Variants in WASHC3 observed in about 807,000 individuals in gnomAD.
The protein encoded by WASHC3 is WASH complex subunit 3.
Under a neutral mutation model 26.1 loss-of-function variants are expected in WASHC3, and 24 were observed. The observed-to-expected ratio is 0.92, with a 90% CI of 0.66 to 1.29. The LOEUF is 1.29. WASHC3 is among the 50% of genes most tolerant of loss of function. The probability of loss-of-function intolerance (pLI) is 0.00; values close to 1 mark genes in which losing one functional copy is unlikely to be tolerated. For missense variants in WASHC3, 214 were observed against 229.6 expected (o/e 0.93, Z 0.44); for synonymous variants, 77 against 75.7 (o/e 1.02, Z -0.09).
At chr12:102,017,778 T>C (rs1434526847) in intron 6 of WASHC3, 1 of 437,588 alleles carries the variant, frequency 2.3e-6, no homozygotes, top group Admixed American at 2.6e-5. Flanking sequence ...TTATTGTCTG[T>C]CTTCATTTTT....
intron 5 of WASHC3, among the ~76,000 whole-genome samples, chr12:102,036,362 CAAA>C (rs1271595888): frequency 4.2e-5 from 3 of 71,974 alleles, no homozygotes; most frequent in Admixed American, 1.5e-4. Context: ...GACTCCGTCT[CAAA>C]AAAAAAAAAA....
chr12:102,037,457 T>G (rs1056157590), intron 5 of WASHC3, among the ~76,000 whole-genome samples: 1 of 152,126 alleles, frequency 6.6e-6, no homozygotes, highest in Non-Finnish European at 1.5e-5. Flanking sequence ...AGGCTGTACT[T>G]AGAAGGTAAT....
rs1300525377 is a variant in WASHC3 at position 102,013,029 on chromosome 12, A to G, written c.*79T>C. 1 of 654,660 alleles carries G rather than the reference A, an allele frequency of 1.5e-6. No homozygotes were observed. The highest frequency in any genetic ancestry group is 2.9e-5 in the Admixed American group (1 of 34,482). The allele number at this position is 654,660 out of a possible 1,614,324, so 40.6% of individuals were successfully genotyped here. A position where few individuals can be genotyped will look rare whatever the true frequency, so the allele number is the denominator to read the frequency against. ...GTGGCCATTTGATGTTTTTATGACTAAGAGAGTTCAGGCTCAATCTCTTAC... is the reference window on the plus strand; with the variant it reads ...GTGGCCATTTGATGTTTTTATGACTGAGAGAGTTCAGGCTCAATCTCTTAC... On this transcript the variant is annotated 3_prime_UTR_variant, in exon 7 of 7. Coordinates refer to ENST00000240079, the MANE Select transcript of WASHC3 (RefSeq NM_016053.4).
chr12:102,046,085 A>G lies in WASHC3; in HGVS notation c.185T>C (p.Ile62Thr). The G allele has an allele frequency of 2.5e-6, 4 of 1,598,076 alleles. No individual in the cohort carries two copies. The highest frequency in any genetic ancestry group is 3.4e-6 in the Non-Finnish European group (4 of 1,169,750). ...LADLSLRIQQ[I>T]ETTLNILDAK... is the part of the protein sequence containing the mutation. ...ATCTAAAATATTGAGAGTTGTTTCA[A>G]TTTGTTGGATACGAAGTGAAAGGTC... The change falls in exon 3 of 7, where the codon ATT (isoleucine) becomes ACT (threonine). Residue 62 changes from isoleucine (I) to threonine (T), a missense_variant. Transcript: ENST00000240079.
At chr12:102,061,494 C>CT in intron 1 of WASHC3, 148 bp from the exon 2 acceptor site, 2 of 648,280 alleles carry the variant, frequency 3.1e-6, no homozygotes, top group Non-Finnish European at 5.6e-6. Flanking sequence ...GTTTCCTAAG[C>CT]TGTGGGTGGG....
At chr12:102,024,141 T>C (rs1467622942) in intron 6 of WASHC3, among the ~76,000 whole-genome samples, 3 of 152,196 alleles carry the variant, frequency 2.0e-5, no homozygotes, top group Non-Finnish European at 4.4e-5. Context: ...GCTATGGCTA[T>C]ATGAAATAGG....
intron 5 of WASHC3, among the ~76,000 whole-genome samples, chr12:102,032,455 T>A (rs751720707): frequency 5.3e-5 from 8 of 152,192 alleles, no homozygotes; most frequent in Non-Finnish European, 1.2e-4. Context: ...TCCAGTTAAG[T>A]TATAAAAGCA....
intron 5 of WASHC3, among the ~76,000 whole-genome samples, chr12:102,028,402 A>G (rs913462739): frequency 6.6e-6 from 1 of 152,098 alleles, no homozygotes; most frequent in African/African-American, 2.4e-5. Context: ...AGAGAAGAAG[A>G]GCAGAGTTAA....
At chr12:102,050,631 A>G (rs1188298408) in intron 2 of WASHC3, 1 of 450,142 alleles carries the variant, frequency 2.2e-6, no homozygotes. Context: ...TGATACAGCA[A>G]GACCCCGTCT....
At chr12:102,037,167 C>A (rs1029205153) in intron 5 of WASHC3, among the ~76,000 whole-genome samples, 1 of 152,082 alleles carries the variant, frequency 6.6e-6, no homozygotes, top group African/African-American at 2.4e-5. Context: ...AAAAAGGAGT[C>A]CATCACCTAA....
At position 102,028,395 on chromosome 12, in the gene WASHC3, G is replaced by A. The variant is rs193256423; in HGVS notation, c.436-2357C>T. Among the ~76,000 whole-genome samples the A allele has an allele frequency of 1.4e-3, 211 of 152,238 alleles. 3 individuals are homozygous for A. Among genetic ancestry groups the A allele is most frequent in the African/African-American group, 3.8e-3 (159 of 41,560 alleles). Reference sequence around the variant, plus strand: ...AAAATATGAGTGCCAGGAAAAAAGAGAAGAAGAGCAGAGTTAATGTCATAG... The same window carrying A: ...AAAATATGAGTGCCAGGAAAAAAGAAAAGAAGAGCAGAGTTAATGTCATAG... On this transcript the variant is annotated intron_variant, in intron 5 of 6. Coordinates refer to ENST00000240079, the MANE Select transcript of WASHC3 (RefSeq NM_016053.4).
Position 102,039,987 on chromosome 12 carries a change from A to G in WASHC3, c.325-9T>C. 2 of 1,351,918 alleles carry G rather than the reference A, an allele frequency of 1.5e-6. No homozygotes were observed. Among genetic ancestry groups the G allele is most frequent in the Non-Finnish European group, 2.1e-6 (2 of 955,560 alleles). The allele number at this position is 1,351,918 out of a possible 1,614,324, so 83.7% of individuals were successfully genotyped here. ...TCTTGTGTACTGTTCTGCTGTAGAGAGTATTTGGTGTAAATCTTTAGACAA... is the reference window on the plus strand; with the variant it reads ...TCTTGTGTACTGTTCTGCTGTAGAGGGTATTTGGTGTAAATCTTTAGACAA... On this transcript the variant is annotated splice_polypyrimidine_tract_variant and intron_variant, in intron 4 of 6. Transcript: ENST00000240079.
At chr12:102,014,772 T>C (rs545348368) in intron 6 of WASHC3, among the ~76,000 whole-genome samples, 67 of 152,318 alleles carry the variant, frequency 4.4e-4, no homozygotes, top group African/African-American at 1.5e-3. Flanking sequence ...GACCATCATC[T>C]TCCTCCCTTT....
chr12:102,056,953 T>C (rs565754136), intron 2 of WASHC3, among the ~76,000 whole-genome samples: 1 of 151,934 alleles, frequency 6.6e-6, no homozygotes, highest in South Asian at 2.1e-4. Flanking sequence ...GCCAGACAAA[T>C]CCACTACAAG....
chr12:102,047,761 TTC>T (rs1249582208), intron 2 of WASHC3, among the ~76,000 whole-genome samples: 1 of 152,216 alleles, frequency 6.6e-6, no homozygotes, highest in African/African-American at 2.4e-5. Context: ...TTAAAAATTT[TTC>T]TGTTTTAATA....
chr12:102,044,817 A>G (rs1878090183), intron 3 of WASHC3, among the ~76,000 whole-genome samples: 2 of 152,110 alleles, frequency 1.3e-5, no homozygotes, highest in East Asian at 3.9e-4. Flanking sequence ...TTCAACCTGA[A>G]ATGGTTTAGC....
chr12:102,013,504 TG>T (rs1357260013), intron 6 of WASHC3, among the ~76,000 whole-genome samples: 4 of 152,328 alleles, frequency 2.6e-5, no homozygotes, highest in South Asian at 2.1e-4. Context: ...CTGTAGAGGC[TG>T]GCATGACCAG....
chr12:102,029,061 T>C (rs1565813546), intron 5 of WASHC3, among the ~76,000 whole-genome samples: 1 of 152,166 alleles, frequency 6.6e-6, no homozygotes, highest in South Asian at 2.1e-4. Context: ...TAAAGCTTGA[T>C]AAAAAAGAAT....
chr12:102,051,952 A>C (rs1219114846), intron 2 of WASHC3, among the ~76,000 whole-genome samples: 1 of 152,220 alleles, frequency 6.6e-6, no homozygotes, highest in Non-Finnish European at 1.5e-5. Flanking sequence ...AATTGCTAAA[A>C]TATATATTGT....
Sources: allele counts gnomAD v4.1 joint callset (sites outside exome capture counted in the v4.1 genomes callset), GRCh38; gene constraint gnomAD v4.1.1; transcripts MANE v1.5; gene names NCBI Gene and HGNC (gene_info 2026-07-23, HGNC 2026-07-21).